Variants in TEX2 observed in about 807,000 individuals in gnomAD.
The protein encoded by TEX2 is testis-expressed protein 2.
In TEX2, 53 loss-of-function variants were observed where a neutral mutation model predicts 106.9. The ratio of observed to expected loss-of-function variants is 0.50; its 90% CI spans 0.40 to 0.62. TEX2 has a LOEUF of 0.62. Ranked by LOEUF, TEX2 falls within the 20% of genes least tolerant of loss-of-function variation. TEX2 has a pLI of 0.00. For missense variants in TEX2, 1,207 were observed against 1,379.0 expected, an observed-to-expected ratio of 0.88 and a Z score of 1.98; for synonymous variants, 523 against 534.8, an observed-to-expected ratio of 0.98 and a Z score of 0.30.
Position 64,158,593 on chromosome 17 carries a change from G to T in TEX2, c.2804+2208C>A, listed in dbSNP as rs543912229. 3.9e-5 allele frequency among the ~76,000 whole-genome samples: 6 copies of T among 152,310 alleles called. No homozygotes were observed. The South Asian group carries it at 1.2e-3, about 32-fold the overall frequency. On this transcript the variant is annotated intron_variant, in intron 8 of 11. Coordinates refer to ENST00000584379, the MANE Select transcript of TEX2 (RefSeq NM_001288732.2). ...CCCTCCTCTGCTACTAAGCCGCGTG[G>T]TGATTCCGTAAACCTCATGACTGAG...
intron 8 of TEX2, among the ~76,000 whole-genome samples, chr17:64,156,470 G>A (rs2030634734): frequency 6.6e-6 from 1 of 152,224 alleles, no homozygotes; most frequent in Admixed American, 6.5e-5. Flanking sequence ...TTCCACCAGA[G>A]GCCTGGCTGG....
At chr17:64,196,360 G>A (rs1447852222) in intron 2 of TEX2, among the ~76,000 whole-genome samples, 1 of 152,218 alleles carries the variant, frequency 6.6e-6, no homozygotes, top group Non-Finnish European at 1.5e-5. Flanking sequence ...GAGCACCTAA[G>A]TGTGAAGTGG....
intron 10 of TEX2, among the ~76,000 whole-genome samples, chr17:64,151,465 G>GT (rs1332117680): frequency 1.3e-5 from 2 of 152,124 alleles, no homozygotes; most frequent in Non-Finnish European, 2.9e-5. Context: ...TTTGAAACCT[G>GT]TTTTTTCATC....
intron 7 of TEX2, among the ~76,000 whole-genome samples, chr17:64,163,873 T>C (rs1390982270): frequency 6.6e-6 from 1 of 152,218 alleles, no homozygotes; most frequent in Non-Finnish European, 1.5e-5. Flanking sequence ...CTTTCTTTTG[T>C]AGTCTTGACA....
chr17:64,261,348 G>A (rs782757926), intron 1 of TEX2, among the ~76,000 whole-genome samples: 2 of 152,154 alleles, frequency 1.3e-5, no homozygotes, highest in Non-Finnish European at 2.9e-5. Context: ...AACATGCTAC[G>A]TATTTATTCT....
chr17:64,190,076 A>C (rs2032238483), intron 4 of TEX2, among the ~76,000 whole-genome samples: 1 of 152,126 alleles, frequency 6.6e-6, no homozygotes, highest in Non-Finnish European at 1.5e-5. Context: ...CAGAACCATA[A>C]TTCCCCAGAG....
chr17:64,168,607 T>C (rs1208559858), intron 7 of TEX2, among the ~76,000 whole-genome samples: 1 of 152,200 alleles, frequency 6.6e-6, no homozygotes, highest in Non-Finnish European at 1.5e-5. Flanking sequence ...AGGGGCCTGG[T>C]TGTGGCCCTG....
chr17:64,205,037 T>C lies in TEX2; in HGVS notation c.1644+7537A>G, dbSNP rs1297709079. Among the ~76,000 whole-genome samples, 3 of 152,342 alleles carry C rather than the reference T, an allele frequency of 2.0e-5. No homozygotes were observed. In the East Asian group the frequency reaches 5.8e-4, roughly 29 times the overall value. On this transcript the variant is annotated intron_variant, in intron 2 of 11. Coordinates refer to ENST00000584379, the MANE Select transcript of TEX2 (RefSeq NM_001288732.2). The surrounding 1 kb of genome is among the most constrained non-coding windows in gnomAD (Gnocchi z 4.0). ...AAGTTCAAAAAAGTCATTTTGGGAC[T>C]ACCTGACATCCTTAACCATATTGTT...
At chr17:64,162,402 G>A (rs1367632270) in intron 7 of TEX2, among the ~76,000 whole-genome samples, 1 of 152,092 alleles carries the variant, frequency 6.6e-6, no homozygotes, top group Non-Finnish European at 1.5e-5. Flanking sequence ...AGTATTTCCA[G>A]CTTTGAAAAT....
At chr17:64,173,780 G>A (rs2031510017) in intron 6 of TEX2, among the ~76,000 whole-genome samples, 1 of 152,112 alleles carries the variant, frequency 6.6e-6, no homozygotes, top group African/African-American at 2.4e-5. Flanking sequence ...CTGTGCTTCA[G>A]GAGCATGCCA....
chr17:64,245,090 T>C (rs182318087), intron 1 of TEX2, among the ~76,000 whole-genome samples: 108 of 152,310 alleles, frequency 7.1e-4, no homozygotes, highest in African/African-American at 2.5e-3. Context: ...TACAATCTTC[T>C]TCCATCATTT....
At chr17:64,155,328 G>A (rs567455977) in intron 8 of TEX2, 32 of 179,092 alleles carry the variant, frequency 1.8e-4, no homozygotes, top group Middle Eastern at 2.3e-3. Flanking sequence ...ACGGGAGGAT[G>A]AACAGAAAGA....
intron 5 of TEX2, among the ~76,000 whole-genome samples, chr17:64,178,990 G>A (rs1005135747): frequency 2.6e-5 from 4 of 152,286 alleles, no homozygotes; most frequent in South Asian, 2.1e-4. Flanking sequence ...ACATAGCTCC[G>A]TGCACTCATT....
In TEX2 at chr17:64,214,126, C is replaced by T. The variant is rs782526031; in HGVS notation, c.92G>A (p.Arg31Gln). 3 of 1,614,016 alleles carry T rather than the reference C, an allele frequency of 1.9e-6. No homozygotes were observed. In the African/African-American group the frequency reaches 4.0e-5, roughly 22 times the overall value. The part of the protein sequence containing the change: ...PKVHVQRSVS[R>Q]DTIAIHFSAS... Reference sequence around the variant, plus strand: ...CGAGAAGTGAATGGCGATGGTATCTCGGGACACGGACCTCTGCACGTGCAC... The same window carrying T: ...CGAGAAGTGAATGGCGATGGTATCTTGGGACACGGACCTCTGCACGTGCAC... Residue 31 changes from arginine to glutamine, a missense_variant, in exon 2 of 12, where the codon CGA (arginine) becomes CAA (glutamine). Physicochemically the swap from Arg to Gln is conservative, Grantham distance 43. Transcript: ENST00000584379.
intron 5 of TEX2, among the ~76,000 whole-genome samples, chr17:64,178,239 A>T (rs2031694036): frequency 6.6e-6 from 1 of 152,142 alleles, no homozygotes; most frequent in Admixed American, 6.5e-5. Flanking sequence ...CAAGTCTCCG[A>T]TTTCCTTGGC....
chr17:64,219,521 A>ATATAAAATAAAATAAAAT, intron 1 of TEX2, among the ~76,000 whole-genome samples: 1 of 147,540 alleles, frequency 6.8e-6, no homozygotes, highest in South Asian at 2.3e-4. Flanking sequence ...ATAAAATAAA[A>ATATAAAATAAAATAAAAT]TAAAATAAAA....
intron 4 of TEX2, among the ~76,000 whole-genome samples, chr17:64,190,321 A>G (rs2032249185): frequency 6.6e-6 from 1 of 152,238 alleles, no homozygotes; most frequent in African/African-American, 2.4e-5. Flanking sequence ...GGATCCTGGA[A>G]GAGAAAAAGG....
intron 2 of TEX2, among the ~76,000 whole-genome samples, chr17:64,199,784 A>G (rs1315178605): frequency 6.6e-6 from 1 of 152,246 alleles, no homozygotes; most frequent in Non-Finnish European, 1.5e-5. Context: ...CAACAGCCAC[A>G]TAGGGCTCAG....
intron 1 of TEX2, among the ~76,000 whole-genome samples, chr17:64,247,263 T>A: frequency 6.9e-6 from 1 of 144,484 alleles, no homozygotes; most frequent in Non-Finnish European, 1.5e-5. Flanking sequence ...AGTGAGACTC[T>A]GTCTCAAAAA....
Sources: gnomAD v4.1 joint callset for allele counts (sites outside exome capture counted in the v4.1 genomes callset) on GRCh38, gnomAD v4.1.1 for gene constraint, Gnocchi (gnomAD v3.1) non-coding constraint, MANE v1.5 for transcripts, NCBI Gene and HGNC (gene_info 2026-07-23, HGNC 2026-07-21) for gene names.